The following SP100 variants were observed in gnomAD, a reference collection of about 807,000 sequenced individuals.
SP100 encodes the protein nuclear autoantigen Sp-100.
SP100 carries 84 observed loss-of-function variants against 130.0 expected under a neutral mutation model. The ratio of observed to expected loss-of-function variants is 0.65; its 90% CI spans 0.54 to 0.77. SP100 has a LOEUF of 0.77. SP100 is among the 30% of genes least tolerant of loss of function. The probability of loss-of-function intolerance (pLI) is 0.00; values close to 1 mark genes in which losing one functional copy is unlikely to be tolerated. For missense variants in SP100, 978 were observed against 1,052.2 expected (o/e 0.93, Z 0.97); for synonymous variants, 331 against 351.7 (o/e 0.94, Z 0.66).
rs748350377 is a variant in SP100 at position 230,541,264 on chromosome 2, A to AT, written c.2332-35dup. On this transcript the variant is annotated intron_variant, in intron 26 of 28. Coordinates refer to ENST00000340126, the MANE Select transcript of SP100 (RefSeq NM_001080391.2). ...AAGCATATGAGCTCTTTCTCTCTAAATTGCATTTAATTTGAAATGGCCTCC... is the reference window on the plus strand; with the variant it reads ...AAGCATATGAGCTCTTTCTCTCTAAATTTGCATTTAATTTGAAATGGCCTCC... 46 of 1,588,984 alleles carry AT rather than the reference A, an allele frequency of 2.9e-5. No individual in the cohort carries two copies. In the African/African-American group the frequency reaches 5.8e-4, roughly 20 times the overall value.
At chr2:230,524,736 G>C (rs76216127) in intron 24 of SP100, among the ~76,000 whole-genome samples, 3,391 of 152,174 alleles carry the variant, frequency 0.022, 125 homozygotes, top group African/African-American at 0.078. Flanking sequence ...GTTATGATAT[G>C]GGGAAACATG....
At chr2:230,533,815 G>A (rs914811600) in intron 24 of SP100, among the ~76,000 whole-genome samples, 7 of 152,050 alleles carry the variant, frequency 4.6e-5, no homozygotes, top group African/African-American at 1.4e-4. Context: ...AGCATTAATC[G>A]GCTCTTTAAT....
intron 2 of SP100, among the ~76,000 whole-genome samples, chr2:230,426,338 A>G (rs186301085): frequency 3.5e-4 from 54 of 152,256 alleles, no homozygotes; most frequent in Middle Eastern, 6.8e-3. Context: ...TAAATGGTTT[A>G]AGATTTTTCT....
chr2:230,528,185 CG>C (rs1691519145), intron 24 of SP100, among the ~76,000 whole-genome samples: 1 of 152,184 alleles, frequency 6.6e-6, no homozygotes, highest in African/African-American at 2.4e-5. Context: ...TGTAGTAAAA[CG>C]CTCCTCAGCA....
At chr2:230,478,189 T>A (rs188424489) in intron 17 of SP100, among the ~76,000 whole-genome samples, 1 of 152,266 alleles carries the variant, frequency 6.6e-6, no homozygotes, top group African/African-American at 2.4e-5. Context: ...TAAAAGGAAA[T>A]CTGTAGTCAA....
chr2:230,515,574 G>A (rs752816429), intron 24 of SP100: 77 of 1,598,812 alleles, frequency 4.8e-5, no homozygotes, highest in Non-Finnish European at 6.1e-5. Context: ...GCAAGAAAAA[G>A]AAGGAAGAGG....
rs571474313 is a variant in SP100 at position 230,542,759 on chromosome 2, G to A, written c.2548-77G>A. The A allele has an allele frequency of 5.2e-6, 4 of 772,020 alleles. No homozygotes were observed. In the African/African-American group the frequency reaches 5.2e-5, roughly 10 times the overall value. 47.8% of individuals were successfully genotyped at this position (772,020 alleles called of 1,614,324 possible). ...AACATTTGGGATAACCTAAAATGAG[G>A]CCCCAGATTATCTGCAACACTGGGT... is the stretch of plus-strand genomic sequence containing the variant. On this transcript the variant is annotated intron_variant, in intron 28 of 28. Coordinates refer to ENST00000340126, the MANE Select transcript of SP100 (RefSeq NM_001080391.2).
At chr2:230,506,475 G>C in intron 22 of SP100, 30 bp downstream of exon 22, 1 of 1,609,228 alleles carries the variant, frequency 6.2e-7, no homozygotes, top group Non-Finnish European at 8.5e-7. Context: ...CTGAAACCAA[G>C]GATTTAGCTG....
chr2:230,506,690 C>T (rs141536396), intron 22 of SP100: 207 of 392,790 alleles, frequency 5.3e-4, no homozygotes, highest in Admixed American at 1.2e-3. Context: ...GTGGCCTTGA[C>T]TCTGCCATTA....
chr2:230,426,172 A>T (rs1388050410), intron 2 of SP100, among the ~76,000 whole-genome samples: 5 of 151,918 alleles, frequency 3.3e-5, no homozygotes. Context: ...AAGAGTTGCT[A>T]ATTTTGTTTA....
intron 25 of SP100, 50 bp from the exon 26 acceptor site, chr2:230,540,826 C>T (rs552263190): frequency 2.5e-5 from 40 of 1,572,606 alleles, no homozygotes; most frequent in Non-Finnish European, 1.8e-5. Flanking sequence ...GTAGGAATGG[C>T]GGCTGATTCA....
chr2:230,507,476 A>C (rs1690204816), intron 22 of SP100: 1 of 152,620 alleles, frequency 6.6e-6, no homozygotes. Context: ...GAGGGTATAC[A>C]AAGTGTGAGC....
intron 21 of SP100, 69 bp from the exon 22 acceptor site, chr2:230,506,234 C>G: frequency 6.3e-7 from 1 of 1,575,244 alleles, no homozygotes; most frequent in Non-Finnish European, 8.7e-7. Context: ...GCCCCAGACC[C>G]CAGCATGGGG....
intron 24 of SP100, among the ~76,000 whole-genome samples, chr2:230,529,225 C>A (rs1049544652): frequency 6.6e-6 from 1 of 152,170 alleles, no homozygotes; most frequent in African/African-American, 2.4e-5. Context: ...AAAGCTTATC[C>A]ACCATGATCA....
chr2:230,541,947 C>G lies in SP100; in HGVS notation c.2459C>G (p.Thr820Arg), dbSNP rs1342778934. The G allele has an allele frequency of 1.2e-5, 20 of 1,613,938 alleles. No homozygotes were observed. Among genetic ancestry groups the G allele is most frequent in the Non-Finnish European group, 1.7e-5 (20 of 1,179,938 alleles). Residue 820 changes from threonine to arginine, a missense_variant, in exon 28 of 29, where the codon ACA becomes AGA. Thr to Arg is a moderately conservative substitution (Grantham distance 71, BLOSUM62 -1). Coordinates refer to ENST00000340126, the MANE Select transcript of SP100 (RefSeq NM_001080391.2). ...CCCATGTGGTTAAACAAAGTCAAGA[C>G]AAGTTTGAATGAGCAGATGTACACC... Reference protein sequence around the residue: ...QKPMWLNKVKTSLNEQMYTRV... With the variant: ...QKPMWLNKVKRSLNEQMYTRV...
intron 17 of SP100, among the ~76,000 whole-genome samples, chr2:230,479,400 C>A (rs1435250625): frequency 6.6e-6 from 1 of 152,186 alleles, no homozygotes; most frequent in East Asian, 1.9e-4. Flanking sequence ...TCTTTTATCT[C>A]AAAATACTGA....
At chr2:230,456,944 G>T (rs1003621573) in intron 8 of SP100, among the ~76,000 whole-genome samples, 8 of 152,174 alleles carry the variant, frequency 5.3e-5, no homozygotes, top group Non-Finnish European at 1.2e-4. Flanking sequence ...GGAGATTATT[G>T]TGTTCTTTTG....
chr2:230,449,310 C>T (rs71415752), intron 6 of SP100, 160 bp downstream of exon 6: 1 of 824,230 alleles, frequency 1.2e-6, no homozygotes, highest in East Asian at 2.6e-5. Context: ...TCCTTATCCT[C>T]TAGGTTGCCT....
At chr2:230,483,508 A>G (rs1362511414) in intron 17 of SP100, among the ~76,000 whole-genome samples, 3 of 152,230 alleles carry the variant, frequency 2.0e-5, no homozygotes, top group African/African-American at 7.2e-5. Flanking sequence ...TTCTTAAGTA[A>G]GAGAAGACAT....
Sources: gnomAD v4.1 joint callset for allele counts (sites outside exome capture counted in the v4.1 genomes callset) on GRCh38, gnomAD v4.1.1 for gene constraint, MANE v1.5 for transcripts, NCBI Gene and HGNC (gene_info 2026-07-23, HGNC 2026-07-21) for gene names.